The following CLNK variants were observed in gnomAD, a reference collection of about 807,000 sequenced individuals.
The protein encoded by CLNK is cytokine dependent hematopoietic cell linker.
CLNK carries 74 observed loss-of-function variants against 68.6 expected under a neutral mutation model. The observed-to-expected ratio is 1.08, with a 90% CI of 0.89 to 1.31. The LOEUF (loss-of-function observed/expected upper bound fraction) is 1.31. CLNK is among the 50% of genes most tolerant of loss of function. The probability of loss-of-function intolerance (pLI) is 0.00; values close to 1 mark genes in which losing one functional copy is unlikely to be tolerated. For synonymous variants in CLNK, 198 were observed against 172.2 expected (o/e 1.15, Z -1.17); for missense variants, 553 against 515.3 (o/e 1.07, Z -0.71).
At chr4:10,498,088 G>A (rs1000812063) in intron 18 of CLNK, among the ~76,000 whole-genome samples, 4 of 152,154 alleles carry the variant, frequency 2.6e-5, no homozygotes, top group African/African-American at 7.2e-5. Context: ...CCAGCTACTC[G>A]GGAGGCTGAG....
intron 14 of CLNK, among the ~76,000 whole-genome samples, chr4:10,522,932 G>T (rs1718141203): frequency 6.6e-6 from 1 of 152,220 alleles, no homozygotes; most frequent in Admixed American, 6.5e-5. Context: ...AGGTAGAGCA[G>T]CATGTGCAAA....
intron 2 of CLNK, among the ~76,000 whole-genome samples, chr4:10,601,377 A>C (rs1277766278): frequency 6.6e-6 from 1 of 152,208 alleles, no homozygotes; most frequent in East Asian, 1.9e-4. Context: ...AAATATTAAC[A>C]AGGCTGGAAA....
At chr4:10,573,392 G>T (rs1274367151) in intron 4 of CLNK, among the ~76,000 whole-genome samples, 2 of 152,052 alleles carry the variant, frequency 1.3e-5, no homozygotes, top group Admixed American at 6.6e-5. Flanking sequence ...CCTGCCCCTG[G>T]TCCCAGCCCA....
chr4:10,561,641 G>C (rs564851995), intron 7 of CLNK, among the ~76,000 whole-genome samples: 1 of 152,214 alleles, frequency 6.6e-6, no homozygotes, highest in African/African-American at 2.4e-5. Flanking sequence ...AATCTCTCTG[G>C]AATTCTCATT....
intron 3 of CLNK, among the ~76,000 whole-genome samples, chr4:10,587,331 CT>C (rs1407994547): frequency 2.0e-5 from 3 of 152,144 alleles, no homozygotes; most frequent in Non-Finnish European, 4.4e-5. Flanking sequence ...TTTGGAAACA[CT>C]TTTTCCCTAG....
the CLNK span, among the ~76,000 whole-genome samples, chr4:10,712,384 A>G: frequency 1.6e-3 from 240 of 152,314 alleles, 2 homozygotes; most frequent in Non-Finnish European, 2.5e-3. Context: ...AAGATCTAAC[A>G]TAACTGACTT....
chr4:10,614,449 A>G (rs1722147287), intron 2 of CLNK, among the ~76,000 whole-genome samples: 1 of 152,112 alleles, frequency 6.6e-6, no homozygotes, highest in South Asian at 2.1e-4. Flanking sequence ...AGGCTCTTCT[A>G]GAAGGTTGAA....
chr4:10,623,606 A>G (rs1263806034), intron 2 of CLNK, among the ~76,000 whole-genome samples: 1 of 152,222 alleles, frequency 6.6e-6, no homozygotes. Context: ...TAATAAGATG[A>G]CGCCTGACAA....
At position 10,508,035 on chromosome 4, in the gene CLNK, T is replaced by A; in HGVS notation, c.908A>T (p.Asp303Val). Reference protein sequence around the residue: ...PPFPKRSDRKDVQHNEWYIGE... With the variant: ...PPFPKRSDRKVVQHNEWYIGE... ...AATGTACCATTCATTGTGCTGGACA[T>A]CCTGCAGAACAGAATCAATGATAAA... Residue 303 changes from aspartate to valine, a missense_variant and splice_region_variant, in exon 17 of 19, where the codon GAT (aspartate) becomes GTT (valine). Physicochemically the swap from Asp to Val is radical, Grantham distance 152 (BLOSUM62 -3). Transcript: ENST00000226951. 1 of 1,608,478 alleles carries A rather than the reference T, an allele frequency of 6.2e-7. No homozygotes were observed. The highest frequency in any genetic ancestry group is 8.5e-7 in the Non-Finnish European group (1 of 1,176,888).
chr4:10,535,799 A>G (rs1718738349), intron 11 of CLNK, among the ~76,000 whole-genome samples: 1 of 152,198 alleles, frequency 6.6e-6, no homozygotes, highest in South Asian at 2.1e-4. Flanking sequence ...TATTTATAAT[A>G]ATTATATGTC....
intron 13 of CLNK, 83 bp downstream of exon 13, chr4:10,527,993 T>A (rs1718389692): frequency 2.1e-5 from 15 of 730,156 alleles, no homozygotes; most frequent in Non-Finnish European, 2.0e-6. Flanking sequence ...TCAATCCTTT[T>A]TAATAACCAT....
the CLNK span, among the ~76,000 whole-genome samples, chr4:10,696,752 G>T: frequency 6.6e-6 from 1 of 152,100 alleles, no homozygotes; most frequent in South Asian, 2.1e-4. Context: ...GCCTCCCTAG[G>T]ATTGCCTTCT....
In CLNK at chr4:10,513,582, A is replaced by C. The variant is rs1291001801; in HGVS notation, c.788T>G (p.Met263Arg). The C allele has an allele frequency of 6.2e-7, 1 of 1,602,704 alleles. No individual in the cohort carries two copies. Among genetic ancestry groups the C allele is most frequent in the Non-Finnish European group, 8.5e-7 (1 of 1,174,646 alleles). Residue 263 changes from methionine (M) to arginine (R), a missense_variant, in exon 16 of 19, where the codon ATG (methionine) becomes AGG (arginine). Met to Arg is a moderately conservative substitution (Grantham distance 91). Transcript: ENST00000226951. Reference sequence around the variant, plus strand: ...GCATCTCTGAGGAGAACAGGGCTGCATGCCTCCTCTATGATCTGGAAAGGT... The same window carrying C: ...GCATCTCTGAGGAGAACAGGGCTGCCTGCCTCCTCTATGATCTGGAAAGGT... Reference protein sequence around the residue: ...SVQNRDHRGGMQPCSPQRCQP... With the variant: ...SVQNRDHRGGRQPCSPQRCQP...
chr4:10,607,331 G>T (rs1577163454), intron 2 of CLNK, among the ~76,000 whole-genome samples: 1 of 152,182 alleles, frequency 6.6e-6, no homozygotes, highest in Admixed American at 6.5e-5. Flanking sequence ...TGGAGTTTGA[G>T]CTGCCAGTGA....
chr4:10,605,420 G>C (rs978102489), intron 2 of CLNK, among the ~76,000 whole-genome samples: 2 of 152,084 alleles, frequency 1.3e-5, no homozygotes, highest in Non-Finnish European at 2.9e-5. Flanking sequence ...CAAACCTAAA[G>C]AGCATGTTAC....
chr4:10,713,958 G>A, the CLNK span, among the ~76,000 whole-genome samples: 1 of 152,266 alleles, frequency 6.6e-6, no homozygotes, highest in East Asian at 1.9e-4. Context: ...GCCTTTTGAA[G>A]CTGCCAAATC....
chr4:10,529,910 T>C (rs1023634543), intron 12 of CLNK, among the ~76,000 whole-genome samples: 1 of 152,220 alleles, frequency 6.6e-6, no homozygotes, highest in Admixed American at 6.5e-5. Context: ...CTTCTGTAAC[T>C]TTTTTATTGT....
intron 2 of CLNK, among the ~76,000 whole-genome samples, chr4:10,651,954 A>G (rs576040560): frequency 1.3e-5 from 2 of 151,776 alleles, no homozygotes; most frequent in African/African-American, 4.8e-5. Flanking sequence ...ATACACATAC[A>G]TATATGCACA....
chr4:10,494,396 A>G (rs949477622), intron 18 of CLNK, among the ~76,000 whole-genome samples: 3 of 152,156 alleles, frequency 2.0e-5, no homozygotes, highest in Non-Finnish European at 4.4e-5. Context: ...ATTTCATATG[A>G]AATTGTAACT....
Sources: gnomAD v4.1 joint callset for allele counts (sites outside exome capture counted in the v4.1 genomes callset) on GRCh38, gnomAD v4.1.1 for gene constraint, MANE v1.5 for transcripts, NCBI Gene and HGNC (gene_info 2026-07-23, HGNC 2026-07-21) for gene names.